Variants in OR6K6 observed in about 807,000 individuals in gnomAD.
OR6K6 encodes the protein olfactory receptor family 6 subfamily K member 6, also known as olfactory receptor 6K6.
OR6K6 carries 9 observed loss-of-function variants against 8.1 expected under a neutral mutation model. The ratio of observed to expected loss-of-function variants is 1.11; its 90% CI spans 0.67 to 1.94. The LOEUF (loss-of-function observed/expected upper bound fraction) is 1.94, where lower values mean the gene tolerates loss of function less well. Ranked by LOEUF, OR6K6 falls within the 30% of genes most tolerant of loss-of-function variation. OR6K6 has a pLI of 0.00. For missense variants in OR6K6, 400 were observed against 383.1 expected, an observed-to-expected ratio of 1.04 and a Z score of -0.37; for synonymous variants, 156 against 140.3, an observed-to-expected ratio of 1.11 and a Z score of -0.79.
chr1:158,755,290 C>T (rs16841001), exon 1 of OR6K6: 200,746 of 1,613,954 alleles, frequency 0.12, 13,154 homozygotes, highest in Middle Eastern at 0.18. Flanking sequence ...CAATCCACTC[C>T]GTTACCCAAC....
exon 1 of OR6K6, chr1:158,754,997 T>C (rs1558026140): frequency 1.2e-6 from 2 of 1,614,080 alleles, no homozygotes; most frequent in South Asian, 1.1e-5. Flanking sequence ...CCCTTGCTTC[T>C]CATCTACGGA....
chr1:158,755,471 A>G, exon 1 of OR6K6: 1 of 1,614,164 alleles, frequency 6.2e-7, no homozygotes, highest in Non-Finnish European at 8.5e-7. Context: ...GCCTGCACAG[A>G]TACATTCCTA....
exon 1 of OR6K6, chr1:158,755,831 G>A: frequency 6.2e-7 from 1 of 1,602,510 alleles, no homozygotes; most frequent in Non-Finnish European, 8.5e-7. Context: ...AAGAGGGCTG[G>A]TTGGGCTGGG....
chr1:158,755,305 A>G (rs1558026378), exon 1 of OR6K6: 10 of 1,614,128 alleles, frequency 6.2e-6, no homozygotes, highest in Non-Finnish European at 7.6e-6. Flanking sequence ...CCCAACCATC[A>G]TGATTCCCAA....
At chr1:158,755,195 T>A (rs770279310) in exon 1 of OR6K6, 2 of 1,614,138 alleles carry the variant, frequency 1.2e-6, no homozygotes, top group Admixed American at 1.7e-5. Flanking sequence ...GGCTGCCTCC[T>A]GCAGATGTAC....
chr1:158,755,605 G>C (rs750927245), exon 1 of OR6K6: 25 of 1,613,992 alleles, frequency 1.5e-5, no homozygotes, highest in Middle Eastern at 1.6e-4. Context: ...TCATCACAAG[G>C]CCTTTTCCAC....
chr1:158,755,668 A>G, exon 1 of OR6K6: 1 of 1,614,188 alleles, frequency 6.2e-7, no homozygotes, highest in East Asian at 2.2e-5. Flanking sequence ...TGTGGCTGTC[A>G]TGTATTTGAG....
At chr1:158,755,672 A>G (rs1189267429) in exon 1 of OR6K6, 2 of 1,614,114 alleles carry the variant, frequency 1.2e-6, no homozygotes, top group South Asian at 2.2e-5. Flanking sequence ...GCTGTCATGT[A>G]TTTGAGATTC....
In OR6K6 at chr1:158,755,297, C is replaced by T. The variant is rs760627031; in HGVS notation, c.410C>T (p.Pro137Leu). Residue 137 changes from proline (P) to leucine (L), a missense_variant, in exon 1 of 1, where the codon CCA becomes CTA. Pro to Leu is a moderately conservative substitution (Grantham distance 98). Coordinates refer to ENST00000641861, the Ensembl canonical transcript of OR6K6. ...GCTATCTGCAATCCACTCCGTTACC[C>T]AACCATCATGATTCCCAAACTTTGT... 6 of 1,614,146 alleles carry T rather than the reference C, an allele frequency of 3.7e-6. No homozygotes were observed. The South Asian group carries it at 6.6e-5, about 18-fold the overall frequency.
exon 1 of OR6K6, chr1:158,755,335 G>T: frequency 1.2e-6 from 2 of 1,614,202 alleles, no homozygotes; most frequent in Non-Finnish European, 8.5e-7. Flanking sequence ...CCAGCTGACA[G>T]TTGGATCCTG....
chr1:158,755,466 C>A lies in OR6K6; in HGVS notation c.579C>A (p.Cys193Ter), dbSNP rs147529173. 7 of 1,614,074 alleles carry A rather than the reference C, an allele frequency of 4.3e-6. No homozygotes were observed. In the Admixed American group the frequency reaches 8.3e-5, roughly 19 times the overall value. ...TCACACCTGTGCTGAGCTTGGCCTG[C>A]ACAGATACATTCCTAGTGGTCATTG... Residue 193 changes from cysteine to a stop codon, truncating the protein, a stop_gained, in exon 1 of 1, where the codon TGC becomes TGA. Coordinates refer to ENST00000641861, the Ensembl canonical transcript of OR6K6. LOFTEE classifies it high-confidence loss of function.
Sources: allele counts gnomAD v4.1 joint callset, GRCh38; gene constraint gnomAD v4.1.1; transcripts MANE v1.5; gene names NCBI Gene and HGNC (gene_info 2026-07-23, HGNC 2026-07-21).